Variants in SAXO5 observed in about 807,000 individuals in gnomAD.
SAXO5 encodes the protein testis expressed 45.
At chr19:7,506,835 T>C in the SAXO5 span, 2 of 398,344 alleles carry the variant, frequency 5.0e-6, no homozygotes, top group Non-Finnish European at 9.5e-6. Flanking sequence ...CGCCTACCTC[T>C]TTCCCAGCTC....
At chr19:7,505,685 C>A in the SAXO5 span, 2 of 1,513,734 alleles carry the variant, frequency 1.3e-6, no homozygotes, top group Non-Finnish European at 9.2e-7. Context: ...GAGCAAATAG[C>A]AGGTGCAGAA....
At chr19:7,504,988 C>CTT in the SAXO5 span, among the ~76,000 whole-genome samples, 51 of 134,376 alleles carry the variant, frequency 3.8e-4, no homozygotes, top group African/African-American at 9.5e-4. Context: ...TTTTTTTTTT[C>CTT]TTTTTTTTTT....
chr19:7,506,328 C>T, the SAXO5 span: 1 of 690,770 alleles, frequency 1.4e-6, no homozygotes, highest in Non-Finnish European at 2.6e-6. Flanking sequence ...ACTGCTCTGG[C>T]CCCGCCCCTA....
At chr19:7,507,759 C>T in the SAXO5 span, among the ~76,000 whole-genome samples, 3 of 152,094 alleles carry the variant, frequency 2.0e-5, no homozygotes, top group Non-Finnish European at 4.4e-5. Flanking sequence ...TGGTTTCTCT[C>T]CATCTTCTTA....
At chr19:7,501,131 A>C in the SAXO5 span, 1 of 1,506,864 alleles carries the variant, frequency 6.6e-7, no homozygotes, top group Non-Finnish European at 8.8e-7. Context: ...AGGCGCGGGA[A>C]CGCACGCTCG....
the SAXO5 span, chr19:7,505,290 C>T: frequency 6.2e-7 from 1 of 1,604,014 alleles, no homozygotes; most frequent in African/African-American, 1.3e-5. Flanking sequence ...GCCCACTTTA[C>T]CTTATTCTTG....
the SAXO5 span, chr19:7,507,019 A>G: frequency 6.4e-7 from 1 of 1,569,806 alleles, no homozygotes; most frequent in Non-Finnish European, 8.8e-7. Context: ...GCCTCGGCCC[A>G]CAGCCCTCAC....
chr19:7,501,525 C>T, the SAXO5 span: 1 of 1,185,534 alleles, frequency 8.4e-7, no homozygotes, highest in Admixed American at 4.0e-5. Flanking sequence ...TTTTGGTGGT[C>T]AGGACTTGGG....
At chr19:7,498,170 T>TACACACACACACACAC in the SAXO5 span, among the ~76,000 whole-genome samples, 2 of 142,434 alleles carry the variant, frequency 1.4e-5, no homozygotes, top group African/African-American at 5.2e-5. Flanking sequence ...CACACACACA[T>TACACACACACACACAC]ACACACACAC....
the SAXO5 span, chr19:7,506,015 C>G: frequency 6.2e-7 from 1 of 1,608,992 alleles, no homozygotes; most frequent in Middle Eastern, 1.7e-4. Flanking sequence ...TGAGAAATTG[C>G]AGAGTCATGT....
chr19:7,505,282 C>T, the SAXO5 span: 1 of 1,594,982 alleles, frequency 6.3e-7, no homozygotes, highest in South Asian at 1.1e-5. Context: ...CATGCCCAGC[C>T]CACTTTACCT....
the SAXO5 span, chr19:7,504,528 A>G: frequency 4.1e-6 from 3 of 739,248 alleles, no homozygotes; most frequent in Non-Finnish European, 6.8e-6. Context: ...CAATATGGTG[A>G]AACCCTGTCT....
the SAXO5 span, chr19:7,505,582 G>A: frequency 3.1e-5 from 50 of 1,614,060 alleles, no homozygotes; most frequent in African/African-American, 5.5e-4. Context: ...TTGGTGCCCC[G>A]GCCCCGGCAG....
At chr19:7,504,057 G>T in the SAXO5 span, 4 of 1,116,912 alleles carry the variant, frequency 3.6e-6, no homozygotes, top group South Asian at 2.7e-5. Context: ...CTTCCAGAGG[G>T]CTTGAGATGG....
chr19:7,500,851 C>A, the SAXO5 span: 4 of 1,534,442 alleles, frequency 2.6e-6, no homozygotes, highest in African/African-American at 2.9e-5. Context: ...CTGCCGTGCT[C>A]GCGCCCGTGC....
chr19:7,506,036 G>T, the SAXO5 span: 1 of 1,613,740 alleles, frequency 6.2e-7, no homozygotes, highest in Non-Finnish European at 8.5e-7. Context: ...GACCCTAGGG[G>T]AGCCAAAGCT....
At chr19:7,505,551 G>A in the SAXO5 span, 5 of 1,614,094 alleles carry the variant, frequency 3.1e-6, no homozygotes, top group South Asian at 5.5e-5. Context: ...AGACTCCGGA[G>A]TCGCACATCC....
chr19:7,506,409 A>G, the SAXO5 span: 1 of 475,750 alleles, frequency 2.1e-6, no homozygotes, highest in African/African-American at 2.4e-5. Context: ...CAGAACCCCA[A>G]CTCTGCTCCT....
the SAXO5 span, chr19:7,501,091 C>T: frequency 6.7e-7 from 1 of 1,500,682 alleles, no homozygotes; most frequent in Non-Finnish European, 8.8e-7. Flanking sequence ...CCGCCGCCAT[C>T]CACGCCGCCG....
Sources: gnomAD v4.1 joint callset for allele counts (sites outside exome capture counted in the v4.1 genomes callset) on GRCh38, gnomAD v4.1.1 for gene constraint, MANE v1.5 for transcripts, NCBI Gene and HGNC (gene_info 2026-07-23, HGNC 2026-07-21) for gene names.